CASK: variants seen among roughly 807,000 people sequenced by gnomAD.
The protein encoded by CASK is calcium/calmodulin dependent serine protein kinase.
A neutral mutation model predicts 82.9 loss-of-function variants in CASK; 4 were observed. The ratio of observed to expected loss-of-function variants is 0.05; its 90% CI spans 0.02 to 0.11. CASK has a LOEUF of 0.11. CASK is among the 10% of genes least tolerant of loss of function. The pLI, the probability that CASK is intolerant of heterozygous loss-of-function variation, is 1.00. For missense variants in CASK, 358 were observed against 720.9 expected (o/e 0.50, Z 5.76); for synonymous variants, 259 against 253.5 (o/e 1.02, Z -0.20).
chrX:41,579,687 G>A (rs979060632), intron 14 of CASK, among the ~76,000 whole-genome samples: 1 of 111,340 alleles, frequency 9.0e-6, no homozygotes, highest in African/African-American at 3.3e-5. Context: ...GGATCTGTGC[G>A]GTAATATCTG....
intron 3 of CASK, among the ~76,000 whole-genome samples, chrX:41,771,220 T>C (rs2069239524): frequency 8.9e-6 from 1 of 112,163 alleles, no homozygotes; most frequent in Admixed American, 9.5e-5. Context: ...CAGAACATAG[T>C]GGAATGATAT....
chrX:41,623,038 C>A (rs1370532704), intron 10 of CASK, among the ~76,000 whole-genome samples: 1 of 109,814 alleles, frequency 9.1e-6, no homozygotes, highest in Non-Finnish European at 1.9e-5. Flanking sequence ...GGACTACAGG[C>A]ACATGCCATC....
chrX:41,648,409 C>T (rs1472694658), intron 8 of CASK, among the ~76,000 whole-genome samples: 2 of 111,443 alleles, frequency 1.8e-5, no homozygotes, highest in African/African-American at 6.5e-5. Context: ...TGATCTCGCC[C>T]TGCCTCCACT....
chrX:41,657,320 T>C (rs1330296727), intron 8 of CASK, among the ~76,000 whole-genome samples: 1 of 111,990 alleles, frequency 8.9e-6, no homozygotes, highest in African/African-American at 3.2e-5. Flanking sequence ...CTCAATTATA[T>C]CAGGTGTCTG....
At chrX:41,563,783 A>G (rs780797288) in intron 16 of CASK, among the ~76,000 whole-genome samples, 3 of 112,173 alleles carry the variant, frequency 2.7e-5, no homozygotes, top group South Asian at 7.4e-4. Context: ...GCAGTTGTTA[A>G]AAAACAAAAA....
rs367885447 is a variant in CASK, at chrX:41,573,211, C to CT, written c.1504-3466dup. On this transcript the variant is annotated intron_variant, in intron 15 of 26. Coordinates refer to ENST00000378163, the MANE Select transcript of CASK (RefSeq NM_001367721.1). Reference sequence around the variant, plus strand: ...CCTACCTCTGTCTCCCAATTTCTTTCTTTTTTTTTTTGTTTTTTTTTGGTC... The same window carrying CT: ...CCTACCTCTGTCTCCCAATTTCTTTCTTTTTTTTTTTTGTTTTTTTTTGGTC... Among the ~76,000 whole-genome samples the CT allele has an allele frequency of 1.9e-3, 181 of 93,096 alleles. 1 individual carries two copies. The highest frequency in any genetic ancestry group is 3.1e-3 in the African/African-American group (79 of 25,381). The allele number at this position is 93,096 out of a possible 115,157, so 80.8% of individuals were successfully genotyped here.
At chrX:41,855,214 C>T (rs2071346064) in intron 1 of CASK, among the ~76,000 whole-genome samples, 1 of 111,360 alleles carries the variant, frequency 9.0e-6, no homozygotes, top group South Asian at 3.8e-4. Flanking sequence ...ACTTAGACAA[C>T]AAAACACAAA....
At position 41,637,534 on chromosome X, in the gene CASK, T is replaced by G. The variant is rs754536903; in HGVS notation, c.832-873A>C. ...CTTTGGGAGGCTGAGGCAGGAAGAT[T>G]GTTGGAGCCTGGGAGGTTGAGGCTG... On this transcript the variant is annotated intron_variant, in intron 8 of 26. Coordinates refer to ENST00000378163, the MANE Select transcript of CASK (RefSeq NM_001367721.1). 9.7e-5 allele frequency among the ~76,000 whole-genome samples: 10 copies of G among 102,699 alleles called. 1 individual carries two copies. The South Asian group carries it at 5.0e-3, about 51-fold the overall frequency. 89.2% of individuals were successfully genotyped at this position (102,699 alleles called of 115,157 possible). A position where few individuals can be genotyped will look rare whatever the true frequency, so the allele number is the denominator to read the frequency against.
intron 3 of CASK, among the ~76,000 whole-genome samples, chrX:41,777,660 T>TGTTG (rs946823595): frequency 2.7e-5 from 3 of 111,215 alleles, no homozygotes; most frequent in Admixed American, 1.9e-4. Context: ...ATTCAGGGGC[T>TGTTG]GTTGAGGTAC....
intron 5 of CASK, among the ~76,000 whole-genome samples, chrX:41,702,720 G>T (rs2067824361): frequency 8.9e-6 from 1 of 112,177 alleles, no homozygotes; most frequent in African/African-American, 3.2e-5. Flanking sequence ...CTTGAACCTG[G>T]CAGGTGGAGG....
chrX:41,676,563 C>T (rs917898406), intron 5 of CASK: 5 of 920,400 alleles, frequency 5.4e-6, no homozygotes, highest in East Asian at 3.1e-5. Flanking sequence ...ACCTGGCGGG[C>T]GCCGCTGGGC....
intron 1 of CASK, among the ~76,000 whole-genome samples, chrX:41,890,514 A>G (rs2072145814): frequency 8.9e-6 from 1 of 112,148 alleles, no homozygotes; most frequent in African/African-American, 3.2e-5. Context: ...CAGATGAACT[A>G]AAGAGTTAAA....
chrX:41,881,226 G>A (rs1234759466), intron 1 of CASK, among the ~76,000 whole-genome samples: 1 of 111,399 alleles, frequency 9.0e-6, no homozygotes, highest in Non-Finnish European at 1.9e-5. Flanking sequence ...TGCTCACAAA[G>A]CACAAGACTG....
At chrX:41,810,427 A>G (rs2070247857) in intron 2 of CASK, among the ~76,000 whole-genome samples, 2 of 111,995 alleles carry the variant, frequency 1.8e-5, no homozygotes, top group Middle Eastern at 4.6e-3. Context: ...GGGGGCCAAT[A>G]TTCAACATTC....
At chrX:41,920,831 C>G (rs982979430) in intron 1 of CASK, among the ~76,000 whole-genome samples, 1 of 112,189 alleles carries the variant, frequency 8.9e-6, no homozygotes, top group African/African-American at 3.2e-5. Flanking sequence ...TATTTTACAT[C>G]TTCACAATAT....
intron 1 of CASK, among the ~76,000 whole-genome samples, chrX:41,869,761 C>T (rs1413277419): frequency 5.8e-5 from 5 of 85,555 alleles, no homozygotes; most frequent in African/African-American, 1.8e-4. Flanking sequence ...TGCAGTGAGC[C>T]GAGATCACGC....
chrX:41,547,134 A>G (rs1199823239), intron 21 of CASK, among the ~76,000 whole-genome samples: 1 of 110,006 alleles, frequency 9.1e-6, no homozygotes, highest in Non-Finnish European at 1.9e-5. Flanking sequence ...GGGTTTTGCC[A>G]CGTTGGCCAG....
At chrX:41,760,455 C>T (rs2068980481) in intron 3 of CASK, among the ~76,000 whole-genome samples, 1 of 111,958 alleles carries the variant, frequency 8.9e-6, no homozygotes, top group Admixed American at 9.5e-5. Flanking sequence ...AAGGAGGAGG[C>T]TGCTATTGCC....
chrX:41,887,475 G>A, intron 1 of CASK, among the ~76,000 whole-genome samples: 1 of 110,926 alleles, frequency 9.0e-6, no homozygotes, highest in East Asian at 2.8e-4. Context: ...TTCTAGACAT[G>A]TCCTAGACAT....
Sources: gnomAD v4.1 joint callset for allele counts (sites outside exome capture counted in the v4.1 genomes callset) on GRCh38, gnomAD v4.1.1 for gene constraint, MANE v1.5 for transcripts, NCBI Gene and HGNC (gene_info 2026-07-23, HGNC 2026-07-21) for gene names.